BRD1: variants seen among roughly 807,000 people sequenced by gnomAD.
The protein encoded by BRD1 is bromodomain-containing protein 1.
Under a neutral mutation model 107.7 loss-of-function variants are expected in BRD1, and 24 were observed. The observed-to-expected ratio is 0.22, with a 90% CI of 0.16 to 0.31. The LOEUF (loss-of-function observed/expected upper bound fraction) is 0.31. Among genes scored for constraint, BRD1 ranks in the 10% least tolerant of loss-of-function variants. The pLI, the probability that BRD1 is intolerant of heterozygous loss-of-function variation, is 1.00. For synonymous variants in BRD1, 744 were observed against 686.1 expected, an observed-to-expected ratio of 1.08 and a Z score of -1.32; for missense variants, 1,279 against 1,638.6, an observed-to-expected ratio of 0.78 and a Z score of 3.79.
intron 5 of BRD1, 39 bp from the exon 6 acceptor site, chr22:49,798,156 A>T: frequency 6.6e-7 from 1 of 1,525,348 alleles, no homozygotes; most frequent in Non-Finnish European, 9.0e-7. Context: ...TACAAACTAA[A>T]ACAGGATATT....
At chr22:49,791,806 C>T (rs1451095847) in intron 7 of BRD1, among the ~76,000 whole-genome samples, 2 of 152,158 alleles carry the variant, frequency 1.3e-5, no homozygotes, top group Non-Finnish European at 2.9e-5. Context: ...ACTTTCAGGC[C>T]ACTTGCTTCT....
chr22:49,786,549 C>G (rs1163386199), intron 8 of BRD1, among the ~76,000 whole-genome samples: 1 of 152,206 alleles, frequency 6.6e-6, no homozygotes, highest in Non-Finnish European at 1.5e-5. Context: ...CTAAGAGGGC[C>G]ACATAAAACA....
chr22:49,825,483 A>G (rs1447076798), intron 1 of BRD1, among the ~76,000 whole-genome samples: 1 of 152,190 alleles, frequency 6.6e-6, no homozygotes, highest in Non-Finnish European at 1.5e-5. Context: ...GACTGCGTCT[A>G]TTCCTAGCTG....
intron 11 of BRD1, 91 bp from the exon 12 acceptor site, chr22:49,775,836 C>CGG (rs1233676720): frequency 8.7e-6 from 11 of 1,271,170 alleles, no homozygotes. Context: ...CCTCCCCACC[C>CGG]CAGCTGTGTG....
rs59721989 is a variant in BRD1 at position 49,775,099 on chromosome 22, C to T, written c.3386+492G>A. ...GGTCTAAACCCTGGCACATGAGGGT[C>T]CCAGACGCTCTGGGGAAAAGCAGCT... On this transcript the variant is annotated intron_variant, in intron 12 of 12. Transcript: ENST00000404760. 8.0e-3 allele frequency among the ~76,000 whole-genome samples: 1,216 copies of T among 152,324 alleles called. 21 individuals carry two copies. Among genetic ancestry groups the T allele is most frequent in the African/African-American group, 0.027 (1,139 of 41,568 alleles).
chr22:49,785,693 T>A (rs775505871), intron 8 of BRD1, among the ~76,000 whole-genome samples: 2 of 152,238 alleles, frequency 1.3e-5, no homozygotes, highest in African/African-American at 4.8e-5. Context: ...TATTTTAAAA[T>A]GCCAATTTAA....
At chr22:49,822,552 A>C (rs1252758538) in intron 2 of BRD1, among the ~76,000 whole-genome samples, 1 of 151,860 alleles carries the variant, frequency 6.6e-6, no homozygotes, top group Non-Finnish European at 1.5e-5. Flanking sequence ...TACTTAAAAA[A>C]TACAAAAATT....
intron 2 of BRD1, among the ~76,000 whole-genome samples, chr22:49,813,495 T>C (rs957351648): frequency 5.6e-4 from 85 of 151,264 alleles, no homozygotes; most frequent in African/African-American, 1.9e-3. Context: ...GTGCTGGGAT[T>C]ACAGGCGTGA....
intron 2 of BRD1, chr22:49,820,967 TTCTC>T (rs747203352): frequency 1.3e-5 from 2 of 152,246 alleles, no homozygotes; most frequent in African/African-American, 4.8e-5. Context: ...CCAGGTTTGT[TTCTC>T]TCTCTCTACT....
chr22:49,774,380 A>G lies in BRD1; in HGVS notation c.3423T>C (p.Gly1141=), dbSNP rs1213671153. 2 of 1,611,530 alleles carry G rather than the reference A, an allele frequency of 1.2e-6. No individual in the cohort carries two copies. Among genetic ancestry groups the G allele is most frequent in the Admixed American group, 1.7e-5 (1 of 59,494 alleles). The change falls in exon 13 of 13, where the codon GGT becomes GGC. Residue 1141 remains glycine (G), a synonymous_variant. Coordinates refer to ENST00000404760, the MANE Select transcript of BRD1 (RefSeq NM_001304808.3). The part of the protein sequence containing the change: ...WLPKSKMVPL[G]IDETIDKLKM... Reference sequence around the variant, plus strand: ...TTAACTTGTCTATAGTTTCGTCAATACCAAGGGGAACCATTTTGGACTTAG... The same window carrying G: ...TTAACTTGTCTATAGTTTCGTCAATGCCAAGGGGAACCATTTTGGACTTAG...
At chr22:49,775,229 A>C in intron 12 of BRD1, 1 of 164,960 alleles carries the variant, frequency 6.1e-6, no homozygotes, top group Non-Finnish European at 1.3e-5. Flanking sequence ...AGGCCCGGGC[A>C]GGGGCCATGT....
At chr22:49,826,309 C>A (rs1305234653) in intron 1 of BRD1, 1 of 962,554 alleles carries the variant, frequency 1.0e-6, no homozygotes, top group African/African-American at 1.8e-5. Flanking sequence ...GGCTTCACGG[C>A]CACAGCAGCT....
chr22:49,774,518 G>A, intron 12 of BRD1, 102 bp from the exon 13 acceptor site: 1 of 1,315,086 alleles, frequency 7.6e-7, no homozygotes, highest in South Asian at 1.4e-5. Context: ...CGATAGAAAG[G>A]GGCCCTGCTC....
chr22:49,811,000 T>C (rs1197670428), intron 2 of BRD1, among the ~76,000 whole-genome samples: 1 of 151,750 alleles, frequency 6.6e-6, no homozygotes, highest in Non-Finnish European at 1.5e-5. Context: ...AAAACAAACA[T>C]CCATCAAAAG....
intron 8 of BRD1, among the ~76,000 whole-genome samples, chr22:49,785,925 CCAG>C (rs1222532404): frequency 6.6e-6 from 1 of 152,170 alleles, no homozygotes; most frequent in Non-Finnish European, 1.5e-5. Context: ...AGGCCAGAGA[CCAG>C]CAGAAGGAAC....
chr22:49,797,736 C>A, intron 6 of BRD1, 69 bp downstream of exon 6: 1 of 1,474,800 alleles, frequency 6.8e-7, no homozygotes, highest in Non-Finnish European at 9.0e-7. Context: ...GAGCTGGCAA[C>A]ACAGAGCAGG....
intron 2 of BRD1, among the ~76,000 whole-genome samples, chr22:49,820,343 T>C (rs2060041830): frequency 6.6e-6 from 1 of 152,058 alleles, no homozygotes; most frequent in Admixed American, 6.5e-5. Flanking sequence ...AAGCATAACA[T>C]CCTCAGATGC....
At chr22:49,782,039 G>C (rs1321937378) in intron 8 of BRD1, among the ~76,000 whole-genome samples, 3 of 146,392 alleles carry the variant, frequency 2.0e-5, no homozygotes, top group African/African-American at 7.7e-5. Flanking sequence ...AGCCGGGGAC[G>C]GTCAGAGACA....
chr22:49,827,818 T>C lies in BRD1; in HGVS notation c.-336A>G, dbSNP rs2060162602. 7.0e-6 allele frequency among the ~76,000 whole-genome samples: 1 copy of C among 143,312 alleles called. No homozygotes were observed. The highest frequency in any genetic ancestry group is 1.5e-5 in the Non-Finnish European group (1 of 65,150). 94.0% of individuals were successfully genotyped at this position (143,312 alleles called of 152,430 possible). A position where few individuals can be genotyped will look rare whatever the true frequency, so the allele number is the denominator to read the frequency against. ...GGGCGGCGGGCGCGGGACGCGGGGC[T>C]GGCTCGGACTCCAGGGCCGGGTCGC... On this transcript the variant is annotated 5_prime_UTR_variant, in exon 1 of 13. Coordinates refer to ENST00000404760, the MANE Select transcript of BRD1 (RefSeq NM_001304808.3).
Sources: gnomAD v4.1 joint callset for allele counts (sites outside exome capture counted in the v4.1 genomes callset) on GRCh38, gnomAD v4.1.1 for gene constraint, MANE v1.5 for transcripts, NCBI Gene and HGNC (gene_info 2026-07-23, HGNC 2026-07-21) for gene names.